Variants in CDH2 observed in about 807,000 individuals in gnomAD.
CDH2 encodes the protein cadherin-2.
CDH2 carries 17 observed loss-of-function variants against 92.0 expected under a neutral mutation model. The ratio of observed to expected loss-of-function variants is 0.18; its 90% confidence interval spans 0.13 to 0.28. The LOEUF is 0.28. CDH2 is among the 10% of genes least tolerant of loss of function. The pLI is 1.00. For synonymous variants in CDH2, 419 were observed against 415.9 expected (o/e 1.01, Z -0.09); for missense variants, 862 against 1,133.1 (o/e 0.76, Z 3.44).
At chr18:28,092,473 C>T (rs760646341) in intron 2 of CDH2, among the ~76,000 whole-genome samples, 10 of 151,612 alleles carry the variant, frequency 6.6e-5, no homozygotes, top group Non-Finnish European at 1.2e-4. Context: ...TAATAAATTG[C>T]TCAATCCAAT....
At chr18:28,152,602 G>A (rs537206269) in intron 1 of CDH2, among the ~76,000 whole-genome samples, 3 of 152,268 alleles carry the variant, frequency 2.0e-5, no homozygotes, top group South Asian at 4.1e-4. Flanking sequence ...CAGTGTCGCC[G>A]GAGTCCAAGA....
In CDH2 at chr18:27,967,597, A is replaced by G. The variant is rs190403758; in HGVS notation, c.2350-4076T>C. ...CAACCTTTACAATGTTAACTTCCCA[A>G]AGAAATTCAATTTTCAAACAAAGGC... On this transcript the variant is annotated intron_variant, in intron 14 of 15. Coordinates refer to ENST00000269141, the MANE Select transcript of CDH2 (RefSeq NM_001792.5). Among the ~76,000 whole-genome samples the G allele has an allele frequency of 7.2e-5, 11 of 152,328 alleles. No homozygotes were observed. The East Asian group carries it at 1.7e-3, about 24-fold the overall frequency.
chr18:28,130,545 C>T (rs774553480), intron 2 of CDH2, among the ~76,000 whole-genome samples: 1 of 152,222 alleles, frequency 6.6e-6, no homozygotes, highest in African/African-American at 2.4e-5. Context: ...ATCAGAGACA[C>T]CTGTGAAACC....
chr18:28,056,075 ATT>A (rs35738385), intron 2 of CDH2, among the ~76,000 whole-genome samples: 24,570 of 147,738 alleles, frequency 0.17, 2,292 homozygotes, highest in East Asian at 0.3. Context: ...GGTATAAAAG[ATT>A]TTTTTTTTTT....
chr18:28,144,385 G>A (rs901935289), intron 2 of CDH2, among the ~76,000 whole-genome samples: 1 of 151,792 alleles, frequency 6.6e-6, no homozygotes, highest in Non-Finnish European at 1.5e-5. Flanking sequence ...TTCACCAGAG[G>A]GGAAAGAGCA....
chr18:28,149,125 C>G (rs2016082560), intron 1 of CDH2, among the ~76,000 whole-genome samples: 1 of 152,150 alleles, frequency 6.6e-6, no homozygotes, highest in South Asian at 2.1e-4. Context: ...GTACAGTCAC[C>G]TTGGCATATA....
intron 15 of CDH2, among the ~76,000 whole-genome samples, chr18:27,956,512 C>T (rs1382835764): frequency 6.6e-6 from 1 of 152,170 alleles, no homozygotes; most frequent in African/African-American, 2.4e-5. Context: ...GTTTCCTTTA[C>T]ATTCTGTCTT....
chr18:28,057,913 A>C (rs665651), intron 2 of CDH2, among the ~76,000 whole-genome samples: 81,398 of 151,970 alleles, frequency 0.54, 22,462 homozygotes, highest in African/African-American at 0.67. Flanking sequence ...ATGGAGTAGA[A>C]AAAATAATAC....
chr18:28,084,094 A>G (rs1431812637), intron 2 of CDH2, among the ~76,000 whole-genome samples: 2 of 152,304 alleles, frequency 1.3e-5, no homozygotes, highest in East Asian at 3.9e-4. Flanking sequence ...AAACAACAAC[A>G]ATACAACACT....
chr18:28,074,758 C>A (rs1339479658), intron 2 of CDH2, among the ~76,000 whole-genome samples: 1 of 147,050 alleles, frequency 6.8e-6, no homozygotes, highest in African/African-American at 2.5e-5. Context: ...CATCTGGTTT[C>A]GAGAATTCTT....
Position 28,018,887 on chromosome 18 carries a change from A to T in CDH2, c.173-4978T>A, listed in dbSNP as rs146238494. 2.9e-3 allele frequency among the ~76,000 whole-genome samples: 428 copies of T among 149,830 alleles called. 1 individual carries two copies. The highest frequency in any genetic ancestry group is 0.01 in the African/African-American group (415 of 41,018). On this transcript the variant is annotated intron_variant, in intron 2 of 15. Transcript: ENST00000269141. ...TGCACACACGTTTATATATATATAT[A>T]TATATGTACATATATATGTGTGTGT... is the stretch of plus-strand genomic sequence containing the variant.
intron 7 of CDH2, 100 bp downstream of exon 7, chr18:28,002,897 C>A: frequency 9.5e-7 from 1 of 1,050,992 alleles, no homozygotes; most frequent in Non-Finnish European, 1.4e-6. Flanking sequence ...TTGAATAACA[C>A]TGTGAGTATA....
chr18:28,156,900 G>A (rs904023856), intron 1 of CDH2, among the ~76,000 whole-genome samples: 3 of 152,104 alleles, frequency 2.0e-5, no homozygotes, highest in South Asian at 2.1e-4. Flanking sequence ...AACATACATC[G>A]AGTGACATCC....
At chr18:28,166,484 A>C (rs1401144982) in intron 1 of CDH2, among the ~76,000 whole-genome samples, 1 of 152,084 alleles carries the variant, frequency 6.6e-6, no homozygotes, top group East Asian at 1.9e-4. Context: ...TTGTAAATTA[A>C]ATCAATGGTT....
chr18:27,997,591 G>A (rs995262864), intron 7 of CDH2, among the ~76,000 whole-genome samples: 12 of 152,148 alleles, frequency 7.9e-5, no homozygotes, highest in Non-Finnish European at 1.6e-4. Context: ...TAAACAGATT[G>A]CAGGTAGAGG....
chr18:27,983,542 G>A (rs2012128779), intron 13 of CDH2, among the ~76,000 whole-genome samples: 1 of 152,168 alleles, frequency 6.6e-6, no homozygotes, highest in Non-Finnish European at 1.5e-5. Context: ...TATCCAGGAG[G>A]ACAAAGCTTG....
intron 2 of CDH2, among the ~76,000 whole-genome samples, chr18:28,125,250 C>G (rs576071659): frequency 6.6e-6 from 1 of 152,238 alleles, no homozygotes; most frequent in South Asian, 2.1e-4. Flanking sequence ...CCGGGACTGC[C>G]TGTACATTAT....
intron 2 of CDH2, among the ~76,000 whole-genome samples, chr18:28,076,414 G>A (rs887121011): frequency 6.6e-6 from 1 of 152,066 alleles, no homozygotes; most frequent in African/African-American, 2.4e-5. Flanking sequence ...ACATCTGGGG[G>A]AAATAATATA....
intron 2 of CDH2, among the ~76,000 whole-genome samples, chr18:28,043,461 A>AATAAATATATATATATATATAT (rs1305925743): frequency 1.4e-5 from 1 of 71,990 alleles, no homozygotes; most frequent in African/African-American, 5.8e-5. Flanking sequence ...GATATAAATA[A>AATAAATATATATATATATATAT]ATATATATAT....
Sources: gnomAD v4.1 joint callset for allele counts (sites outside exome capture counted in the v4.1 genomes callset) on GRCh38, gnomAD v4.1.1 for gene constraint, MANE v1.5 for transcripts, NCBI Gene and HGNC (gene_info 2026-07-23, HGNC 2026-07-21) for gene names.